FRMD5: variants seen among roughly 807,000 people sequenced by gnomAD.
FRMD5 encodes FERM domain-containing protein 5.
In FRMD5, 20 loss-of-function variants were observed where a neutral mutation model predicts 69.0. That is an observed-to-expected ratio of 0.29 (90% CI 0.20 to 0.42). The LOEUF (loss-of-function observed/expected upper bound fraction) is 0.42, where lower values mean the gene tolerates loss of function less well. FRMD5 is among the 10% of genes least tolerant of loss of function. The probability of loss-of-function intolerance (pLI) is 1.00; values close to 1 mark genes in which losing one functional copy is unlikely to be tolerated. For synonymous variants in FRMD5, 271 were observed against 260.1 expected, an observed-to-expected ratio of 1.04 and a Z score of -0.40; for missense variants, 595 against 708.6, an observed-to-expected ratio of 0.84 and a Z score of 1.82.
intron 1 of FRMD5, among the ~76,000 whole-genome samples, chr15:43,955,742 A>C (rs2090104457): frequency 1.3e-5 from 2 of 152,276 alleles, no homozygotes; most frequent in South Asian, 4.1e-4. Flanking sequence ...TTATTCTTCT[A>C]TATGTTCCAT....
At chr15:43,999,971 T>TGTCATAC (rs1555392742) in intron 1 of FRMD5, among the ~76,000 whole-genome samples, 1 of 53,054 alleles carries the variant, frequency 1.9e-5, no homozygotes, top group Admixed American at 2.1e-4. Context: ...TATATATATA[T>TGTCATAC]ATATATATAT....
intron 1 of FRMD5, chr15:43,989,402 A>G (rs1889559092): frequency 1.3e-6 from 1 of 784,710 alleles, no homozygotes; most frequent in Non-Finnish European, 2.4e-6. Context: ...GAAGGCTGGA[A>G]GAGCGCCTCA....
chr15:44,138,098 A>G (rs1450206997), intron 1 of FRMD5, among the ~76,000 whole-genome samples: 4 of 152,208 alleles, frequency 2.6e-5, no homozygotes, highest in South Asian at 2.1e-4. Context: ...ATATGATGAT[A>G]TTGGTTAACA....
At chr15:44,067,219 G>A (rs1272560907) in intron 1 of FRMD5, among the ~76,000 whole-genome samples, 1 of 152,226 alleles carries the variant, frequency 6.6e-6, no homozygotes, top group Non-Finnish European at 1.5e-5. Flanking sequence ...AAGCTCATTT[G>A]CATGGAGAAC....
At chr15:44,118,130 T>C (rs2076897012) in intron 1 of FRMD5, among the ~76,000 whole-genome samples, 1 of 151,282 alleles carries the variant, frequency 6.6e-6, no homozygotes, top group Non-Finnish European at 1.5e-5. Flanking sequence ...AATCAAACTA[T>C]GAGGAAGAAA....
intron 1 of FRMD5, among the ~76,000 whole-genome samples, chr15:44,012,052 A>C (rs1256614443): frequency 1.3e-5 from 2 of 152,182 alleles, no homozygotes; most frequent in African/African-American, 4.8e-5. Flanking sequence ...TGAACTCACC[A>C]TCTGTTCACT....
intron 1 of FRMD5, among the ~76,000 whole-genome samples, chr15:44,157,113 C>A (rs2077541041): frequency 6.6e-6 from 1 of 152,164 alleles, no homozygotes; most frequent in Non-Finnish European, 1.5e-5. Flanking sequence ...AGCTACATAT[C>A]ATATTAAATA....
intron 1 of FRMD5, among the ~76,000 whole-genome samples, chr15:44,014,683 G>A (rs888253902): frequency 6.6e-6 from 1 of 152,156 alleles, no homozygotes; most frequent in African/African-American, 2.4e-5. Flanking sequence ...GTTGCCTTGA[G>A]CCAAGATTGC....
chr15:44,162,039 A>C (rs28549219), intron 1 of FRMD5, among the ~76,000 whole-genome samples: 12,497 of 151,960 alleles, frequency 0.082, 835 homozygotes, highest in African/African-American at 0.17. Context: ...ATCTTGGCTC[A>C]CTGCAACCTC....
At chr15:44,134,937 T>C (rs2077159670) in intron 1 of FRMD5, among the ~76,000 whole-genome samples, 1 of 152,104 alleles carries the variant, frequency 6.6e-6, no homozygotes, top group African/African-American at 2.4e-5. Context: ...AGGGCTAGAA[T>C]GGAGGGAACA....
chr15:43,948,053 T>C (rs1566854186), intron 1 of FRMD5, among the ~76,000 whole-genome samples: 1 of 152,110 alleles, frequency 6.6e-6, no homozygotes, highest in Non-Finnish European at 1.5e-5. Context: ...TATTCTTTAA[T>C]CATCACAACA....
At position 44,183,626 on chromosome 15, in the gene FRMD5, C is replaced by A. The variant is rs576845156; in HGVS notation, c.102+11327G>T. Reference sequence around the variant, plus strand: ...TTTAAATGTCACCCCCACATGGAGGCCAGGCCCAGAGGGCTCCTTTAAACC... The same window carrying A: ...TTTAAATGTCACCCCCACATGGAGGACAGGCCCAGAGGGCTCCTTTAAACC... On this transcript the variant is annotated intron_variant, in intron 1 of 13. Coordinates refer to ENST00000417257, the MANE Select transcript of FRMD5 (RefSeq NM_032892.5). 6.6e-5 allele frequency among the ~76,000 whole-genome samples: 10 copies of A among 152,268 alleles called. No individual in the cohort carries two copies. In the East Asian group the frequency reaches 1.9e-3, roughly 29 times the overall value.
chr15:44,002,899 T>C (rs1176717018), intron 1 of FRMD5, among the ~76,000 whole-genome samples: 1 of 152,132 alleles, frequency 6.6e-6, no homozygotes, highest in African/African-American at 2.4e-5. Flanking sequence ...CTTTCCATAC[T>C]TGTAACTCCC....
At chr15:43,920,166 G>A (rs1014930196) in intron 2 of FRMD5, among the ~76,000 whole-genome samples, 4 of 152,182 alleles carry the variant, frequency 2.6e-5, no homozygotes, top group East Asian at 1.9e-4. Context: ...GGGTTGAGTC[G>A]GGAAATACTG....
At chr15:44,196,089 C>G (rs144750585), upstream of FRMD5, among the ~76,000 whole-genome samples, 940 of 152,300 alleles carry the variant, frequency 6.2e-3, 9 homozygotes, top group African/African-American at 0.022. Context: ...CCCAAATTTA[C>G]AGACTTCAAG....
intron 1 of FRMD5, among the ~76,000 whole-genome samples, chr15:43,954,929 G>T (rs1441433189): frequency 6.6e-6 from 1 of 152,112 alleles, no homozygotes; most frequent in Non-Finnish European, 1.5e-5. Context: ...ATCAGAAAAT[G>T]GAAGCTATTA....
chr15:43,924,935 TCCACCCTGG>T (rs1471860645), intron 1 of FRMD5, among the ~76,000 whole-genome samples: 6 of 151,920 alleles, frequency 3.9e-5, no homozygotes, highest in African/African-American at 1.2e-4. Context: ...AAGTCTCCCT[TCCACCCTGG>T]CCACCCTGTG....
chr15:43,912,003 C>G (rs1349035287), intron 4 of FRMD5, among the ~76,000 whole-genome samples: 1 of 152,130 alleles, frequency 6.6e-6, no homozygotes, highest in Non-Finnish European at 1.5e-5. Flanking sequence ...GCTTGCTACT[C>G]AAAGTGTAGC....
chr15:44,166,549 C>T (rs1006245917), intron 1 of FRMD5, among the ~76,000 whole-genome samples: 1 of 152,004 alleles, frequency 6.6e-6, no homozygotes, highest in Admixed American at 6.6e-5. Context: ...ATTTGGGAGG[C>T]TGAGGATGGT....
Sources: allele counts gnomAD v4.1 joint callset (sites outside exome capture counted in the v4.1 genomes callset), GRCh38; gene constraint gnomAD v4.1.1; transcripts MANE v1.5; gene names NCBI Gene and HGNC (gene_info 2026-07-23, HGNC 2026-07-21).